Variants in NALCN observed in about 807,000 individuals in gnomAD.
The protein encoded by NALCN is sodium leak channel NALCN.
A neutral mutation model predicts 225.3 loss-of-function variants in NALCN; 111 were observed. That is an observed-to-expected ratio of 0.49 (90% CI 0.42 to 0.58). The LOEUF is 0.58. Ranked by LOEUF, NALCN falls within the 20% of genes least tolerant of loss-of-function variation. NALCN has a pLI of 0.00. For synonymous variants in NALCN, 764 were observed against 769.0 expected (o/e 0.99, Z 0.11); for missense variants, 1,378 against 2,202.4 (o/e 0.63, Z 7.49).
chr13:101,397,109 T>TATATACACAC (rs1169730118), intron 2 of NALCN, among the ~76,000 whole-genome samples: 6 of 80,970 alleles, frequency 7.4e-5, no homozygotes, highest in African/African-American at 2.7e-4. Context: ...TATATATATA[T>TATATACACAC]ACATACACAT....
chr13:101,289,549 T>TATATATATATATATATATAC (rs1491392183), intron 9 of NALCN, among the ~76,000 whole-genome samples: 6 of 81,092 alleles, frequency 7.4e-5, no homozygotes, highest in Admixed American at 1.2e-4. Flanking sequence ...TATATATATA[T>TATATATATATATATATATAC]ACACATATTT....
chr13:101,230,189 G>T (rs1425547548), intron 12 of NALCN, among the ~76,000 whole-genome samples: 7 of 152,132 alleles, frequency 4.6e-5, no homozygotes, highest in Middle Eastern at 3.2e-3. Context: ...TCCAAAATCT[G>T]ACAAACATCG....
intron 7 of NALCN, among the ~76,000 whole-genome samples, chr13:101,311,461 A>AG (rs142260677): frequency 0.38 from 52,366 of 138,922 alleles, 10,745 homozygotes; most frequent in Non-Finnish European, 0.45. Flanking sequence ...GAATGCTTCC[A>AG]TTTTTGCCCA....
chr13:101,362,276 A>G (rs1400818319), intron 6 of NALCN, among the ~76,000 whole-genome samples: 2 of 152,016 alleles, frequency 1.3e-5, no homozygotes, highest in African/African-American at 2.4e-5. Flanking sequence ...GTGGATCTCT[A>G]TATGTCTATA....
At chr13:101,414,564 C>T (rs985260152) in intron 1 of NALCN, among the ~76,000 whole-genome samples, 9 of 139,546 alleles carry the variant, frequency 6.4e-5, no homozygotes, top group African/African-American at 2.4e-4. Flanking sequence ...GATAAAATCA[C>T]CTGGAAACCA....
At chr13:101,245,515 T>C (rs2041868592) in intron 11 of NALCN, among the ~76,000 whole-genome samples, 1 of 152,138 alleles carries the variant, frequency 6.6e-6, no homozygotes, top group African/African-American at 2.4e-5. Flanking sequence ...TACTCTACTT[T>C]GGTTATTTGG....
intron 9 of NALCN, among the ~76,000 whole-genome samples, chr13:101,291,718 T>C (rs1265267365): frequency 2.0e-5 from 3 of 152,102 alleles, no homozygotes; most frequent in Non-Finnish European, 4.4e-5. Flanking sequence ...TGGCTAATTT[T>C]TAAAATTTTT....
intron 36 of NALCN, 29 bp downstream of exon 36, chr13:101,074,485 A>G: frequency 6.6e-7 from 1 of 1,508,776 alleles, no homozygotes; most frequent in Non-Finnish European, 8.8e-7. Flanking sequence ...TTGCTTGATA[A>G]ATGAATAGAA....
intron 9 of NALCN, among the ~76,000 whole-genome samples, chr13:101,287,522 A>G (rs1274098671): frequency 6.6e-6 from 1 of 152,232 alleles, no homozygotes; most frequent in East Asian, 1.9e-4. Flanking sequence ...AAGTGGAGAC[A>G]TTAATAGTGC....
intron 3 of NALCN, among the ~76,000 whole-genome samples, chr13:101,382,210 C>CA (rs1266992796): frequency 6.7e-6 from 1 of 148,768 alleles, no homozygotes; most frequent in Non-Finnish European, 1.5e-5. Context: ...CTCGGTGGAA[C>CA]ATTGAATGAG....
rs780182598 is a variant in NALCN, at chr13:101,283,956, C to A, written c.1111G>T (p.Gly371Ter). The change falls in exon 10 of 44, where the codon GGA (glycine) becomes TGA (stop). Residue 371 changes from glycine (G) to a stop codon, truncating the protein, a stop_gained. Transcript: ENST00000251127. LOFTEE classifies it high-confidence loss of function. ...ACCTGGAGGCAGGCTGGGGCGCGTC[C>A]CTGGGGCTTGTTGACATCCACAGCT... ...LVAVDVNKPQ[G>*]RAPACLQKMM... is the part of the protein sequence containing the mutation. 1 of 1,613,482 alleles carries A rather than the reference C, an allele frequency of 6.2e-7. No homozygotes were observed. The highest frequency in any genetic ancestry group is 1.7e-4 in the Middle Eastern group (1 of 6,046).
chr13:101,362,854 C>G (rs543022845), intron 6 of NALCN, among the ~76,000 whole-genome samples: 3 of 151,974 alleles, frequency 2.0e-5, no homozygotes, highest in African/African-American at 7.2e-5. Context: ...AAGACTCCAC[C>G]AAAAACTGTT....
At chr13:101,096,976 G>A (rs2034542965) in intron 27 of NALCN, among the ~76,000 whole-genome samples, 2 of 151,950 alleles carry the variant, frequency 1.3e-5, no homozygotes, top group African/African-American at 4.8e-5. Context: ...TCTCCTCTTG[G>A]CCTCCTCCTT....
intron 34 of NALCN, among the ~76,000 whole-genome samples, chr13:101,079,694 T>C (rs536918031): frequency 6.6e-6 from 1 of 152,370 alleles, no homozygotes; most frequent in Admixed American, 6.5e-5. Context: ...ATATTTGTTT[T>C]GCTTATTACA....
chr13:101,320,735 T>A (rs2044717344), intron 7 of NALCN, among the ~76,000 whole-genome samples: 1 of 176 alleles, frequency 5.7e-3, no homozygotes, highest in African/African-American at 0.014. Flanking sequence ...GCTCTATCCT[T>A]CCTTGTTCCT....
At chr13:101,412,874 C>A (rs1821112437) in intron 1 of NALCN, among the ~76,000 whole-genome samples, 1 of 152,196 alleles carries the variant, frequency 6.6e-6, no homozygotes, top group African/African-American at 2.4e-5. Context: ...CTGAATACAA[C>A]AGCCAATTTT....
At chr13:101,317,820 T>C (rs1211403356) in intron 7 of NALCN, among the ~76,000 whole-genome samples, 1 of 152,206 alleles carries the variant, frequency 6.6e-6, no homozygotes, top group East Asian at 1.9e-4. Flanking sequence ...TCTGCTTACA[T>C]AACCCACATA....
intron 13 of NALCN, among the ~76,000 whole-genome samples, chr13:101,215,235 C>T (rs940277926): frequency 4.6e-5 from 7 of 152,212 alleles, no homozygotes; most frequent in African/African-American, 1.7e-4. Flanking sequence ...TATTCTAAGA[C>T]CCAGCAACTC....
In NALCN at chr13:101,345,269, T is replaced by A. The variant is rs1254464919; in HGVS notation, c.796A>T (p.Ile266Leu). 1 of 1,613,054 alleles carries A rather than the reference T, an allele frequency of 6.2e-7. No individual in the cohort carries two copies. Among genetic ancestry groups the A allele is most frequent in the Non-Finnish European group, 8.5e-7 (1 of 1,179,418 alleles). Residue 266 changes from isoleucine (I) to leucine (L), a missense_variant, in exon 7 of 44, where the codon ATA becomes TTA. By Grantham distance (5) the Ile-to-Leu change is conservative (BLOSUM62 2). Transcript: ENST00000251127. ...QELGYSGFNE[I>L]GTSIFTVYEA... ...GTATTTTACCAGTAAGACAGACCTATCTCATTAAAGCCACTGTAGCCCAGC... is the reference window on the plus strand; with the variant it reads ...GTATTTTACCAGTAAGACAGACCTAACTCATTAAAGCCACTGTAGCCCAGC...
Sources: allele counts gnomAD v4.1 joint callset (sites outside exome capture counted in the v4.1 genomes callset), GRCh38; gene constraint gnomAD v4.1.1; transcripts MANE v1.5; gene names NCBI Gene and HGNC (gene_info 2026-07-23, HGNC 2026-07-21).